CRPPA: variants seen among roughly 807,000 people sequenced by gnomAD.
CRPPA encodes D-ribitol-5-phosphate cytidylyltransferase.
CRPPA carries 43 observed loss-of-function variants against 52.0 expected under a neutral mutation model. The ratio of observed to expected loss-of-function variants is 0.83; its 90% confidence interval spans 0.65 to 1.07. The LOEUF is 1.07. Among genes scored for constraint, CRPPA ranks in the 50% least tolerant of loss-of-function variants. The pLI is 0.00. For synonymous variants in CRPPA, 250 were observed against 203.5 expected (o/e 1.23, Z -1.94); for missense variants, 629 against 551.7 (o/e 1.14, Z -1.40).
At chr7:16,400,000 C>T (rs1296909656) in intron 2 of CRPPA, among the ~76,000 whole-genome samples, 1 of 152,092 alleles carries the variant, frequency 6.6e-6, no homozygotes, top group Non-Finnish European at 1.5e-5. Flanking sequence ...ACGCATTTGA[C>T]ATGTGACTGA....
intron 9 of CRPPA, among the ~76,000 whole-genome samples, chr7:16,153,679 A>G (rs564461562): frequency 2.4e-4 from 37 of 152,276 alleles, no homozygotes; most frequent in African/African-American, 8.7e-4. Context: ...ATTACATAAA[A>G]TGTTTCACAT....
In CRPPA at chr7:16,263,432, A is replaced by T. The variant is rs115574782; in HGVS notation, c.934-4420T>A. 3.3e-3 allele frequency among the ~76,000 whole-genome samples: 507 copies of T among 152,322 alleles called. 5 individuals carry two copies. The highest frequency in any genetic ancestry group is 0.012 in the African/African-American group (494 of 41,570). ...TATTATGTATTTCTTAAACTTTAACAGTTAGTAAGATATACACTCTTAGAA... is the reference window on the plus strand; with the variant it reads ...TATTATGTATTTCTTAAACTTTAACTGTTAGTAAGATATACACTCTTAGAA... On this transcript the variant is annotated intron_variant, in intron 6 of 9. Transcript: ENST00000407010.
At chr7:16,098,677 A>G (rs1032398029) in intron 9 of CRPPA, among the ~76,000 whole-genome samples, 4 of 152,252 alleles carry the variant, frequency 2.6e-5, no homozygotes, top group African/African-American at 9.6e-5. Flanking sequence ...CAGACTTGTT[A>G]TAAGATCATT....
At chr7:16,218,308 G>A (rs1782389747) in intron 8 of CRPPA, among the ~76,000 whole-genome samples, 2 of 123,574 alleles carry the variant, frequency 1.6e-5, no homozygotes, top group African/African-American at 3.1e-5. Context: ...ACATGGAAAG[G>A]AACAACCGGT....
At chr7:16,332,099 C>A (rs1388493463) in intron 3 of CRPPA, among the ~76,000 whole-genome samples, 6 of 152,128 alleles carry the variant, frequency 3.9e-5, no homozygotes, top group African/African-American at 1.4e-4. Flanking sequence ...TATAGAAGGG[C>A]AAGGATAATT....
intron 9 of CRPPA, among the ~76,000 whole-genome samples, chr7:16,100,797 G>A (rs542714911): frequency 3.3e-5 from 5 of 152,188 alleles, no homozygotes; most frequent in South Asian, 2.1e-4. Flanking sequence ...TTTGTCATAC[G>A]TAGCTCTTAT....
At chr7:16,391,714 T>G (rs1460096425) in intron 2 of CRPPA, among the ~76,000 whole-genome samples, 2 of 152,134 alleles carry the variant, frequency 1.3e-5, no homozygotes, top group African/African-American at 4.8e-5. Flanking sequence ...GCAGAATGTT[T>G]TATTGGACAG....
At chr7:16,384,663 C>T (rs912956962) in intron 2 of CRPPA, among the ~76,000 whole-genome samples, 1 of 152,222 alleles carries the variant, frequency 6.6e-6, no homozygotes, top group Admixed American at 6.5e-5. Context: ...ATATAATACT[C>T]AAGTGTCCAC....
At chr7:16,243,606 A>AT (rs1410403854) in intron 8 of CRPPA, among the ~76,000 whole-genome samples, 1 of 152,178 alleles carries the variant, frequency 6.6e-6, no homozygotes, top group Non-Finnish European at 1.5e-5. Context: ...AATATTTCTA[A>AT]TATCAAAGGA....
At chr7:16,162,967 CTTTCTCTTTTTT>C (rs769502302) in intron 9 of CRPPA, among the ~76,000 whole-genome samples, 258 of 137,158 alleles carry the variant, frequency 1.9e-3, no homozygotes, top group Non-Finnish European at 3.2e-3. Flanking sequence ...TTTTCTTTTT[CTTTCTCTTTTTT>C]TTTTTTTTTT....
At chr7:16,125,878 G>T (rs2128371314) in intron 9 of CRPPA, among the ~76,000 whole-genome samples, 2 of 132,466 alleles carry the variant, frequency 1.5e-5, no homozygotes, top group East Asian at 2.6e-4. Context: ...ATGTACAATA[G>T]AAGCTTGCCT....
intron 9 of CRPPA, among the ~76,000 whole-genome samples, chr7:16,119,195 C>T (rs974175259): frequency 2.0e-5 from 3 of 151,988 alleles, no homozygotes; most frequent in Non-Finnish European, 4.4e-5. Flanking sequence ...TTTCTAATTA[C>T]AGGGAAGGCT....
At chr7:16,343,050 A>T (rs558268785) in intron 3 of CRPPA, among the ~76,000 whole-genome samples, 1 of 151,910 alleles carries the variant, frequency 6.6e-6, no homozygotes, top group Admixed American at 6.6e-5. Context: ...AAAAAAATAA[A>T]TAAGTAAATG....
intron 5 of CRPPA, among the ~76,000 whole-genome samples, chr7:16,289,466 C>T (rs543902205): frequency 1.3e-5 from 2 of 152,056 alleles, no homozygotes; most frequent in African/African-American, 4.8e-5. Context: ...AGCAGCATAT[C>T]AAAAGATAAA....
At chr7:16,101,410 C>A (rs1049407317) in intron 9 of CRPPA, among the ~76,000 whole-genome samples, 1 of 152,066 alleles carries the variant, frequency 6.6e-6, no homozygotes, top group African/African-American at 2.4e-5. Context: ...TTATCCATTT[C>A]TTCTAGATTT....
At chr7:16,217,403 C>G (rs1288064697) in intron 8 of CRPPA, among the ~76,000 whole-genome samples, 1 of 150,228 alleles carries the variant, frequency 6.7e-6, no homozygotes, top group South Asian at 2.1e-4. Flanking sequence ...TCCAAAGGAA[C>G]GCAGTTCCTC....
In CRPPA at chr7:16,199,993, G is replaced by T. The variant is rs191940388; in HGVS notation, c.1251+16073C>A. 1.5e-3 allele frequency among the ~76,000 whole-genome samples: 235 copies of T among 151,928 alleles called. 2 individuals are homozygous for T. Among genetic ancestry groups the T allele is most frequent in the African/African-American group, 5.5e-3 (226 of 41,412 alleles). On this transcript the variant is annotated intron_variant, in intron 9 of 9. Coordinates refer to ENST00000407010, the MANE Select transcript of CRPPA (RefSeq NM_001101426.4). ...CTGCCTCTGCCTGCTGAGTAGCTGG[G>T]ATTAGAGACAGACAACACCACGCCC...
At chr7:16,107,198 A>G (rs1475765372) in intron 9 of CRPPA, among the ~76,000 whole-genome samples, 2 of 152,176 alleles carry the variant, frequency 1.3e-5, no homozygotes, top group Admixed American at 6.6e-5. Context: ...AAAAAAAACA[A>G]AAACATCTTC....
At chr7:16,205,184 C>A (rs570351462) in intron 9 of CRPPA, among the ~76,000 whole-genome samples, 1 of 152,260 alleles carries the variant, frequency 6.6e-6, no homozygotes, top group East Asian at 1.9e-4. Context: ...GCTCAGCTAA[C>A]CTCACAGGCC....
Sources: gnomAD v4.1 joint callset for allele counts (sites outside exome capture counted in the v4.1 genomes callset) on GRCh38, gnomAD v4.1.1 for gene constraint, MANE v1.5 for transcripts, NCBI Gene and HGNC (gene_info 2026-07-23, HGNC 2026-07-21) for gene names.